GABRB2: variants seen among roughly 807,000 people sequenced by gnomAD.
GABRB2 encodes gamma-aminobutyric acid type A receptor subunit beta2.
A neutral mutation model predicts 54.7 loss-of-function variants in GABRB2; 16 were observed. The ratio of observed to expected loss-of-function variants is 0.29; its 90% CI spans 0.20 to 0.44. The LOEUF (loss-of-function observed/expected upper bound fraction) is 0.44. Among genes scored for constraint, GABRB2 ranks in the 20% least tolerant of loss-of-function variants. The probability of loss-of-function intolerance (pLI) is 1.00; values close to 1 mark genes in which losing one functional copy is unlikely to be tolerated. For synonymous variants in GABRB2, 244 were observed against 233.8 expected (o/e 1.04, Z -0.40); for missense variants, 355 against 644.0 (o/e 0.55, Z 4.86).
At chr5:161,424,916 T>A (rs115824565) in intron 4 of GABRB2, among the ~76,000 whole-genome samples, 2,873 of 152,148 alleles carry the variant, frequency 0.019, 40 homozygotes, top group Middle Eastern at 0.037. Flanking sequence ...GAGTTTAGAA[T>A]AAGTTGATTC....
intron 5 of GABRB2, among the ~76,000 whole-genome samples, chr5:161,340,590 CA>C (rs1463074556): frequency 2.0e-5 from 3 of 151,758 alleles, no homozygotes; most frequent in African/African-American, 7.3e-5. Context: ...TAAGTTACTG[CA>C]CATCTCTTTG....
chr5:161,470,430 A>C (rs1051116334), intron 3 of GABRB2, among the ~76,000 whole-genome samples: 7 of 152,016 alleles, frequency 4.6e-5, no homozygotes, highest in African/African-American at 1.7e-4. Context: ...CTGGCACAGT[A>C]AGGAATTAAC....
At chr5:161,445,446 G>A (rs1757590251) in intron 4 of GABRB2, among the ~76,000 whole-genome samples, 1 of 152,024 alleles carries the variant, frequency 6.6e-6, no homozygotes, top group African/African-American at 2.4e-5. Context: ...CCATCTGAAT[G>A]GATCCCTCCT....
intron 9 of GABRB2, among the ~76,000 whole-genome samples, chr5:161,325,407 A>G (rs1405785824): frequency 6.6e-6 from 1 of 152,124 alleles, no homozygotes. Flanking sequence ...ATGAAGTCAA[A>G]AAGTGACAAA....
chr5:161,449,945 T>G (rs1420349123), intron 4 of GABRB2, among the ~76,000 whole-genome samples: 1 of 152,176 alleles, frequency 6.6e-6, no homozygotes, highest in Non-Finnish European at 1.5e-5. Flanking sequence ...ATGCAAGTAC[T>G]ACCTTTGAAT....
intron 3 of GABRB2, among the ~76,000 whole-genome samples, chr5:161,527,025 A>C (rs548705858): frequency 6.6e-6 from 1 of 151,514 alleles, no homozygotes; most frequent in Non-Finnish European, 1.5e-5. Flanking sequence ...TAAAGATTGT[A>C]TGGAAGCATA....
intron 3 of GABRB2, among the ~76,000 whole-genome samples, chr5:161,540,133 A>T (rs559884125): frequency 7.9e-4 from 121 of 152,308 alleles, no homozygotes; most frequent in African/African-American, 2.7e-3. Context: ...GTGTGATAGC[A>T]TTTTACCCAC....
chr5:161,533,685 C>CA (rs905620425), intron 3 of GABRB2, among the ~76,000 whole-genome samples: 6 of 151,096 alleles, frequency 4.0e-5, no homozygotes, highest in East Asian at 1.9e-4. Flanking sequence ...CCTTTCTTTG[C>CA]AAAAAAAAGA....
chr5:161,508,513 A>G (rs1391626472), intron 3 of GABRB2, among the ~76,000 whole-genome samples: 1 of 151,868 alleles, frequency 6.6e-6, no homozygotes, highest in African/African-American at 2.4e-5. Flanking sequence ...CAAAACGAGT[A>G]ACTTATTTCT....
At chr5:161,511,624 G>A (rs894323919) in intron 3 of GABRB2, among the ~76,000 whole-genome samples, 2 of 151,978 alleles carry the variant, frequency 1.3e-5, no homozygotes, top group African/African-American at 4.8e-5. Flanking sequence ...AGGTGACTTA[G>A]GCAAAATAGA....
At chr5:161,527,904 T>A (rs1479625486) in intron 3 of GABRB2, among the ~76,000 whole-genome samples, 1 of 151,672 alleles carries the variant, frequency 6.6e-6, no homozygotes, top group Non-Finnish European at 1.5e-5. Flanking sequence ...GTAACAAGTA[T>A]CAGTGCCTAA....
chr5:161,492,789 T>C (rs938362572), intron 3 of GABRB2, among the ~76,000 whole-genome samples: 7 of 151,768 alleles, frequency 4.6e-5, no homozygotes, highest in African/African-American at 1.7e-4. Context: ...TGCACATGTT[T>C]AGCTCCACAG....
At chr5:161,421,610 G>A (rs563569247) in intron 4 of GABRB2, among the ~76,000 whole-genome samples, 1 of 152,310 alleles carries the variant, frequency 6.6e-6, no homozygotes, top group East Asian at 1.9e-4. Context: ...ATATGTGTGA[G>A]AGCTTGTTAG....
At chr5:161,542,473 A>C (rs1289464488) in intron 3 of GABRB2, among the ~76,000 whole-genome samples, 1 of 152,188 alleles carries the variant, frequency 6.6e-6, no homozygotes. Context: ...CCCTTTAATG[A>C]ATGAGTAAAG....
Position 161,382,744 on chromosome 5 carries a change from G to A in GABRB2, c.541+28231C>T, listed in dbSNP as rs184976266. Among the ~76,000 whole-genome samples, 4 of 152,266 alleles carry A rather than the reference G, an allele frequency of 2.6e-5. No homozygotes were observed. The East Asian group carries it at 5.8e-4, about 22-fold the overall frequency. ...TCTGTCCCTTACACATTATTGGAATGGCAGCATATGGCTCAATTCTAAAGC... is the reference window on the plus strand; with the variant it reads ...TCTGTCCCTTACACATTATTGGAATAGCAGCATATGGCTCAATTCTAAAGC... On this transcript the variant is annotated intron_variant, in intron 5 of 9. Coordinates refer to ENST00000393959, the MANE Select transcript of GABRB2 (RefSeq NM_001371727.1).
intron 4 of GABRB2, among the ~76,000 whole-genome samples, chr5:161,413,498 T>C (rs1756580202): frequency 6.6e-6 from 1 of 152,206 alleles, no homozygotes; most frequent in South Asian, 2.1e-4. Flanking sequence ...GTCAAAAAAT[T>C]ATAACTTATT....
intron 5 of GABRB2, among the ~76,000 whole-genome samples, chr5:161,345,263 A>AC (rs1373841956): frequency 6.6e-6 from 1 of 152,086 alleles, no homozygotes; most frequent in Non-Finnish European, 1.5e-5. Flanking sequence ...CGCAATAAAA[A>AC]TTTTAAAAGA....
chr5:161,448,665 T>A (rs1757705121), intron 4 of GABRB2, among the ~76,000 whole-genome samples: 1 of 152,298 alleles, frequency 6.6e-6, no homozygotes, highest in East Asian at 1.9e-4. Context: ...GTTGTATAAC[T>A]GTGAAATAGA....
At chr5:161,437,118 G>C (rs748981675) in intron 4 of GABRB2, among the ~76,000 whole-genome samples, 8 of 152,094 alleles carry the variant, frequency 5.3e-5, no homozygotes, top group Non-Finnish European at 1.0e-4. Context: ...CAGAGACAGT[G>C]GACTGAGAGA....
Sources: allele counts gnomAD v4.1 joint callset (sites outside exome capture counted in the v4.1 genomes callset), GRCh38; gene constraint gnomAD v4.1.1; transcripts MANE v1.5; gene names NCBI Gene and HGNC (gene_info 2026-07-23, HGNC 2026-07-21).